STPG2: variants seen among roughly 807,000 people sequenced by gnomAD.
STPG2 encodes the protein sperm-tail PG-rich repeat-containing protein 2.
Under a neutral mutation model 54.2 loss-of-function variants are expected in STPG2, and 56 were observed. The ratio of observed to expected loss-of-function variants is 1.03; its 90% CI spans 0.83 to 1.29. The LOEUF is 1.29. Among genes scored for constraint, STPG2 ranks in the 50% most tolerant of loss-of-function variants. STPG2 has a pLI of 0.00. For synonymous variants in STPG2, 200 were observed against 181.8 expected, an observed-to-expected ratio of 1.10 and a Z score of -0.81; for missense variants, 596 against 544.9, an observed-to-expected ratio of 1.09 and a Z score of -0.93.
chr4:98,112,292 C>G (rs1739386964), intron 3 of STPG2, among the ~76,000 whole-genome samples: 1 of 152,078 alleles, frequency 6.6e-6, no homozygotes. Flanking sequence ...CATTGTGTAT[C>G]TGTATCTTTG....
At chr4:97,822,441 T>A (rs868140913) in intron 9 of STPG2, among the ~76,000 whole-genome samples, 17 of 152,220 alleles carry the variant, frequency 1.1e-4, no homozygotes, top group African/African-American at 4.1e-4. Context: ...CCAGCATCTG[T>A]CTGTTACTCA....
intron 1 of STPG2, among the ~76,000 whole-genome samples, chr4:98,136,807 G>A (rs1740147757): frequency 6.6e-6 from 1 of 151,432 alleles, no homozygotes; most frequent in African/African-American, 2.4e-5. Context: ...CAATAAATTA[G>A]AAATACATAT....
At chr4:97,474,117 A>G (rs1380317202) in intron 4 of STPG2, among the ~76,000 whole-genome samples, 3 of 152,152 alleles carry the variant, frequency 2.0e-5, no homozygotes. Context: ...ATGTAGGTTT[A>G]TTGATTATAA....
chr4:97,677,905 T>A (rs1722898553), intron 10 of STPG2, among the ~76,000 whole-genome samples: 1 of 152,188 alleles, frequency 6.6e-6, no homozygotes, highest in Admixed American at 6.5e-5. Flanking sequence ...TTATCCAGCA[T>A]AGGTATTTTC....
At chr4:97,584,669 C>T (rs545205309) in intron 10 of STPG2, among the ~76,000 whole-genome samples, 59 of 151,864 alleles carry the variant, frequency 3.9e-4, no homozygotes, top group African/African-American at 1.4e-3. Context: ...TCCAAATAAG[C>T]TCAATTAGAA....
intron 9 of STPG2, among the ~76,000 whole-genome samples, chr4:97,740,171 T>C (rs1475104355): frequency 6.6e-6 from 1 of 152,182 alleles, no homozygotes; most frequent in Non-Finnish European, 1.5e-5. Context: ...CAACGCTTCA[T>C]GCTAAAAACT....
chr4:97,494,638 A>C (rs1438737793), intron 4 of STPG2, among the ~76,000 whole-genome samples: 4 of 151,628 alleles, frequency 2.6e-5, no homozygotes, highest in Non-Finnish European at 5.9e-5. Context: ...GGGAAGCATC[A>C]TTCAGAAATT....
intron 8 of STPG2, among the ~76,000 whole-genome samples, chr4:97,869,740 G>A (rs1312196519): frequency 2.0e-5 from 3 of 151,640 alleles, no homozygotes; most frequent in Non-Finnish European, 4.4e-5. Context: ...GTATTGCCCT[G>A]CCCTCCAAAA....
chr4:97,655,791 T>C (rs1445388211), intron 10 of STPG2, among the ~76,000 whole-genome samples: 2 of 152,142 alleles, frequency 1.3e-5, no homozygotes, highest in Non-Finnish European at 2.9e-5. Context: ...TTCTTCAAAT[T>C]AATGTAGCTT....
At chr4:98,051,181 T>C (rs1737309835) in intron 5 of STPG2, among the ~76,000 whole-genome samples, 2 of 152,152 alleles carry the variant, frequency 1.3e-5, no homozygotes, top group Admixed American at 1.3e-4. Context: ...CAAAGGAAGT[T>C]AGTTCCCTAA....
At chr4:97,595,230 G>A (rs1733254557) in intron 10 of STPG2, among the ~76,000 whole-genome samples, 1 of 152,148 alleles carries the variant, frequency 6.6e-6, no homozygotes, top group South Asian at 2.1e-4. Context: ...ACTGGATTAA[G>A]AAAATGTGGC....
At chr4:97,721,689 C>T (rs1229604442) in intron 9 of STPG2, among the ~76,000 whole-genome samples, 1 of 151,952 alleles carries the variant, frequency 6.6e-6, no homozygotes, top group Non-Finnish European at 1.5e-5. Context: ...CATATTTATA[C>T]AATAAACATA....
chr4:97,882,396 T>A (rs1436503939), intron 8 of STPG2, among the ~76,000 whole-genome samples: 1 of 152,178 alleles, frequency 6.6e-6, no homozygotes, highest in Non-Finnish European at 1.5e-5. Context: ...AGAAAGGCAG[T>A]AAACCATGTT....
At chr4:97,827,333 T>C (rs1439120931) in intron 9 of STPG2, among the ~76,000 whole-genome samples, 4 of 151,724 alleles carry the variant, frequency 2.6e-5, no homozygotes, top group Non-Finnish European at 4.4e-5. Flanking sequence ...CATCCCGGGT[T>C]CACGCCATTC....
intron 4 of STPG2, among the ~76,000 whole-genome samples, chr4:97,459,173 T>C (rs1729597211): frequency 6.6e-6 from 1 of 152,062 alleles, no homozygotes; most frequent in Non-Finnish European, 1.5e-5. Context: ...TGTGTATCAC[T>C]GTGTGAGAGA....
chr4:97,567,327 G>T (rs1303176502), intron 10 of STPG2, among the ~76,000 whole-genome samples: 2 of 151,242 alleles, frequency 1.3e-5, no homozygotes, highest in African/African-American at 4.8e-5. Flanking sequence ...TACTGTTGGT[G>T]AGGCTGTGTG....
At chr4:97,543,653 T>C (rs1050478813) in intron 4 of STPG2, among the ~76,000 whole-genome samples, 13 of 152,288 alleles carry the variant, frequency 8.5e-5, no homozygotes, top group Middle Eastern at 6.8e-3. Context: ...ATTTATGTGA[T>C]AATCAAAATT....
At chr4:97,851,514 A>G (rs1729156556) in intron 8 of STPG2, among the ~76,000 whole-genome samples, 1 of 152,212 alleles carries the variant, frequency 6.6e-6, no homozygotes, top group Admixed American at 6.5e-5. Flanking sequence ...GCCTAAAAAT[A>G]CAAAGCTGGC....
chr4:97,947,694 G>A (rs1407866858), intron 7 of STPG2, among the ~76,000 whole-genome samples: 1 of 152,000 alleles, frequency 6.6e-6, no homozygotes, highest in East Asian at 1.9e-4. Context: ...TTGTTTATGT[G>A]ATGAATCATA....
Sources: gnomAD v4.1 joint callset for allele counts (sites outside exome capture counted in the v4.1 genomes callset) on GRCh38, gnomAD v4.1.1 for gene constraint, MANE v1.5 for transcripts, NCBI Gene and HGNC (gene_info 2026-07-23, HGNC 2026-07-21) for gene names.